RYR1: variants seen among roughly 807,000 people sequenced by gnomAD.
RYR1 encodes ryanodine receptor 1.
A neutral mutation model predicts 583.5 loss-of-function variants in RYR1; 342 were observed. The ratio of observed to expected loss-of-function variants is 0.59; its 90% CI spans 0.54 to 0.64. The LOEUF (loss-of-function observed/expected upper bound fraction) is 0.64. Among genes scored for constraint, RYR1 ranks in the 30% least tolerant of loss-of-function variants. The probability of loss-of-function intolerance (pLI) is 0.00; values close to 1 mark genes in which losing one functional copy is unlikely to be tolerated. For missense variants in RYR1, 6,032 were observed against 6,917.2 expected (o/e 0.87, Z 4.54); for synonymous variants, 2,791 against 2,822.5 (o/e 0.99, Z 0.35).
chr19:38,548,550 G>T (rs767739359), intron 89 of RYR1, 130 bp downstream of exon 89: 14 of 828,040 alleles, frequency 1.7e-5, no homozygotes, highest in Non-Finnish European at 2.4e-5. Context: ...GTAAAATGAG[G>T]ATAAAACAGT....
rs774944844 is a variant in RYR1, at chr19:38,517,631, C to T, written c.9958C>T (p.Leu3320=). 1 of 1,614,198 alleles carries T rather than the reference C, an allele frequency of 6.2e-7. No homozygotes were observed. Among genetic ancestry groups the T allele is most frequent in the Non-Finnish European group, 8.5e-7 (1 of 1,180,036 alleles). ...CCTCAACTCCCTGCTGGGGAATATC[C>T]TGAGAATCATCGTCAACAACCTGGG... ...DHLNSLLGNI[L]RIIVNNLGID... Residue 3320 remains leucine (L), a synonymous_variant, in exon 66 of 106, where the codon CTG becomes TTG. Coordinates refer to ENST00000359596, the MANE Select transcript of RYR1 (RefSeq NM_000540.3).
In RYR1 at chr19:38,543,766, C is replaced by T; in HGVS notation, c.11908-5C>T. The T allele has an allele frequency of 6.2e-7, 1 of 1,612,760 alleles. No homozygotes were observed. The highest frequency in any genetic ancestry group is 8.5e-7 in the Non-Finnish European group (1 of 1,180,002). On this transcript the variant is annotated splice_polypyrimidine_tract_variant and splice_region_variant and intron_variant, in intron 86 of 105. Transcript: ENST00000359596. This position sits in a 1 kb window ranked among gnomAD's most constrained non-coding sequence, Gnocchi z 4.4. ...TTCCCCCCCACACGGCACTCTGCCT[C>T]CCAGGGTCCCTGCACCGGGAACCAG... is the stretch of plus-strand genomic sequence containing the variant.
At chr19:38,487,503 G>A (rs1009392306) in intron 34 of RYR1, among the ~76,000 whole-genome samples, 14 of 151,774 alleles carry the variant, frequency 9.2e-5, no homozygotes, top group East Asian at 7.8e-4. Context: ...ACAGGTGCCC[G>A]CCACCATGCC....
Position 38,567,845 on chromosome 19 carries a change from AC to A in RYR1, c.13592del (p.Pro4531LeufsTer20). ...CCCCCAAGAAGCAAGCACCTCCCTC[AC>A]CCCCTCCAAAGAAGGAGGAAGCTGG... is the stretch of plus-strand genomic sequence containing the variant. The part of the protein sequence containing the change: ...EPPKKQAPPS[P>X]PPKKEEAGGE... On this transcript the variant is annotated frameshift_variant, in exon 93 of 106. Transcript: ENST00000359596. LOFTEE classifies it high-confidence loss of function. The A allele has an allele frequency of 6.2e-7, 1 of 1,613,556 alleles. No individual in the cohort carries two copies. Among genetic ancestry groups the A allele is most frequent in the Non-Finnish European group, 8.5e-7 (1 of 1,179,876 alleles).
rs1972297843 is a variant in RYR1, at chr19:38,543,627, G to A, written c.11874G>A (p.Lys3958=). 6.2e-7 allele frequency: 1 copy of A among 1,614,006 alleles called. No individual in the cohort carries two copies. The highest frequency in any genetic ancestry group is 1.1e-5 in the South Asian group (1 of 91,092). Residue 3958 remains lysine (K), a synonymous_variant, in exon 86 of 106, where the codon AAG becomes AAA. Transcript: ENST00000359596. The surrounding 1 kb of genome is among the most constrained non-coding windows in gnomAD (Gnocchi z 4.4). ...TCTCCAAAGCCATGTCGGTGGCTAAGCAGGTGTTCAACAGCCTCACTGAGT... is the reference window on the plus strand; with the variant it reads ...TCTCCAAAGCCATGTCGGTGGCTAAACAGGTGTTCAACAGCCTCACTGAGT... ...RNFSKAMSVA[K]QVFNSLTEYI...
At chr19:38,441,947 G>A (rs926776829) in intron 2 of RYR1, among the ~76,000 whole-genome samples, 2 of 151,908 alleles carry the variant, frequency 1.3e-5, no homozygotes, top group African/African-American at 4.8e-5. Flanking sequence ...TGGGGTTGGA[G>A]GGATGTGGGG....
intron 78 of RYR1, among the ~76,000 whole-genome samples, chr19:38,533,866 G>T (rs1029228151): frequency 2.0e-5 from 3 of 151,738 alleles, no homozygotes; most frequent in Non-Finnish European, 4.4e-5. Context: ...GATATTTAAA[G>T]ACATCTTTGA....
At chr19:38,572,393 TG>T in intron 95 of RYR1, 123 bp downstream of exon 95, 1 of 1,035,546 alleles carries the variant, frequency 9.7e-7, no homozygotes, top group South Asian at 1.5e-5. Flanking sequence ...GGCCTAGGGT[TG>T]GGGTGAGGGC....
Position 38,528,652 on chromosome 19 carries a change from C to T in RYR1, c.10991C>T (p.Thr3664Ile). 1 of 1,614,200 alleles carries T rather than the reference C, an allele frequency of 6.2e-7. No homozygotes were observed. The highest frequency in any genetic ancestry group is 1.3e-5 in the African/African-American group (1 of 75,046). ...AGCTACAAGGCTGCATGGATCCTGA[C>T]TGAAGACCACAGTTTTGAGGACCGC... Reference protein sequence around the residue: ...LESYKAAWILTEDHSFEDRMI... With the variant: ...LESYKAAWILIEDHSFEDRMI... The change falls in exon 75 of 106, where the codon ACT becomes ATT. Residue 3664 changes from threonine (T) to isoleucine (I), a missense_variant. This residue lies in a region of RYR1 where 1,493 missense variants were observed against 1,715.5 expected (regional missense o/e 0.87). Coordinates refer to ENST00000359596, the MANE Select transcript of RYR1 (RefSeq NM_000540.3).
Position 38,587,488 on chromosome 19 carries a change from C to A in RYR1, c.*68C>A. The A allele has an allele frequency of 8.9e-7, 1 of 1,119,898 alleles. No individual in the cohort carries two copies. The highest frequency in any genetic ancestry group is 1.4e-6 in the Non-Finnish European group (1 of 733,702). The allele number at this position is 1,119,898 out of a possible 1,614,324, so 69.4% of individuals were successfully genotyped here. On this transcript the variant is annotated 3_prime_UTR_variant, in exon 106 of 106. Coordinates refer to ENST00000359596, the MANE Select transcript of RYR1 (RefSeq NM_000540.3). ...TTCTCACAGCAAGCCCCTTAGTCCCCAAGCCCCTCCCCCTAAGGCAGCTGG... is the reference window on the plus strand; with the variant it reads ...TTCTCACAGCAAGCCCCTTAGTCCCAAAGCCCCTCCCCCTAAGGCAGCTGG...
chr19:38,568,753 A>T (rs1206580650), intron 93 of RYR1, among the ~76,000 whole-genome samples: 1 of 140,322 alleles, frequency 7.1e-6, no homozygotes, highest in Non-Finnish European at 1.6e-5. Flanking sequence ...CTCTGCCTCA[A>T]ACAAAGTGGT....
At chr19:38,465,869 A>G (rs1391827011) in intron 23 of RYR1, among the ~76,000 whole-genome samples, 1 of 152,238 alleles carries the variant, frequency 6.6e-6, no homozygotes, top group African/African-American at 2.4e-5. Context: ...AAAGGGGGCT[A>G]GAGGTCATTG....
At chr19:38,576,699 C>G (rs1168391058) in intron 97 of RYR1, among the ~76,000 whole-genome samples, 1 of 151,872 alleles carries the variant, frequency 6.6e-6, no homozygotes, top group Non-Finnish European at 1.5e-5. Context: ...ACTTGAGAGA[C>G]TGAGGCAGGA....
In RYR1 at chr19:38,470,384, G is replaced by A. The variant is rs180912552; in HGVS notation, c.3765+871G>A. ...GCTCAGGAGGTCGAGGCTGCAGTAA[G>A]CTGATTACACGACTGCACTCCAGCC... On this transcript the variant is annotated intron_variant, in intron 27 of 105. Coordinates refer to ENST00000359596, the MANE Select transcript of RYR1 (RefSeq NM_000540.3). Among the ~76,000 whole-genome samples the A allele has an allele frequency of 1.9e-4, 29 of 150,190 alleles. No individual in the cohort carries two copies. In the East Asian group the frequency reaches 5.1e-3, roughly 27 times the overall value.
intron 89 of RYR1, among the ~76,000 whole-genome samples, chr19:38,560,158 G>A (rs760427415): frequency 1.3e-5 from 2 of 152,096 alleles, no homozygotes; most frequent in Non-Finnish European, 2.9e-5. Context: ...GAGTTCAGGA[G>A]TTTGGGACAA....
At chr19:38,435,075 G>A (rs117592545) in intron 1 of RYR1, among the ~76,000 whole-genome samples, 2,170 of 152,258 alleles carry the variant, frequency 0.014, 87 homozygotes, top group Admixed American at 0.089. Flanking sequence ...CCATGGCCAT[G>A]GCCACTGGCT....
intron 89 of RYR1, among the ~76,000 whole-genome samples, chr19:38,558,625 A>T (rs963532666): frequency 6.6e-5 from 10 of 151,192 alleles, no homozygotes; most frequent in African/African-American, 2.4e-4. Flanking sequence ...CTAAAAATAC[A>T]AAAATTAGCT....
intron 76 of RYR1, among the ~76,000 whole-genome samples, chr19:38,531,792 A>G (rs1261740123): frequency 6.6e-6 from 1 of 152,140 alleles, no homozygotes; most frequent in Non-Finnish European, 1.5e-5. Flanking sequence ...TGTAGTCCCA[A>G]CTACTCAGGA....
rs1472353338 is a variant in RYR1 at position 38,492,609 on chromosome 19, G to A, written c.6247G>A (p.Glu2083Lys). 12 of 1,610,696 alleles carry A rather than the reference G, an allele frequency of 7.5e-6. No homozygotes were observed. Among genetic ancestry groups the A allele is most frequent in the Non-Finnish European group, 1.0e-5 (12 of 1,178,278 alleles). ...GAAGAAGGAAGAGAAACCTGAGGAG[G>A]AGCGGTCAGCAGAGGAGAGCAAACC... ...VKKKEEKPEE[E>K]RSAEESKPRS... The change falls in exon 38 of 106, where the codon GAG becomes AAG. Residue 2083 changes from glutamate (E) to lysine (K), a missense_variant. This residue lies in a region of RYR1 where 2,627 missense variants were observed against 2,961.3 expected (regional missense o/e 0.89). Transcript: ENST00000359596.
Sources: allele counts gnomAD v4.1 joint callset (sites outside exome capture counted in the v4.1 genomes callset), GRCh38; gene constraint gnomAD v4.1.1; regional missense constraint gnomAD v4.1.1; non-coding constraint Gnocchi (gnomAD v3.1); transcripts MANE v1.5; gene names NCBI Gene and HGNC (gene_info 2026-07-23, HGNC 2026-07-21).